Variants in LRP1B observed in about 807,000 individuals in gnomAD.
LRP1B encodes LDL receptor related protein 1B, also known as low-density lipoprotein receptor-related protein 1B.
In LRP1B, 217 loss-of-function variants were observed where a neutral mutation model predicts 556.6. The observed-to-expected ratio is 0.39, with a 90% confidence interval of 0.35 to 0.44. The LOEUF (loss-of-function observed/expected upper bound fraction) is 0.44. LRP1B is among the 20% of genes least tolerant of loss of function. The pLI is 1.00. For synonymous variants in LRP1B, 2,047 were observed against 1,865.8 expected (o/e 1.10, Z -2.50); for missense variants, 5,053 against 5,620.8 (o/e 0.90, Z 3.23).
At chr2:140,467,679 G>C (rs1207177382) in intron 60 of LRP1B, among the ~76,000 whole-genome samples, 1 of 150,336 alleles carries the variant, frequency 6.7e-6, no homozygotes, top group East Asian at 2.0e-4. Flanking sequence ...ATTGTCATGA[G>C]AATTCTACCC....
chr2:140,439,647 A>C (rs114371820), intron 66 of LRP1B, among the ~76,000 whole-genome samples: 1,866 of 152,146 alleles, frequency 0.012, 36 homozygotes, highest in African/African-American at 0.042. Flanking sequence ...TTATATATTT[A>C]ATTTAATTTT....
At chr2:141,546,418 T>C (rs753513038) in intron 2 of LRP1B, among the ~76,000 whole-genome samples, 1 of 152,150 alleles carries the variant, frequency 6.6e-6, no homozygotes, top group Non-Finnish European at 1.5e-5. Context: ...CCCTTAGAAG[T>C]ATTTTTTCCT....
chr2:141,144,140 CTCA>C (rs907767869), intron 7 of LRP1B, among the ~76,000 whole-genome samples: 1 of 152,104 alleles, frequency 6.6e-6, no homozygotes, highest in Admixed American at 6.6e-5. Flanking sequence ...CCTGTCTACT[CTCA>C]TTTTTATGAA....
chr2:140,252,889 C>T (rs1681512719), intron 86 of LRP1B, among the ~76,000 whole-genome samples: 1 of 151,990 alleles, frequency 6.6e-6, no homozygotes, highest in South Asian at 2.1e-4. Context: ...AATGTATAAA[C>T]AAATATACCC....
At chr2:140,479,549 A>G (rs1688136290) in intron 59 of LRP1B, among the ~76,000 whole-genome samples, 1 of 152,180 alleles carries the variant, frequency 6.6e-6, no homozygotes, top group Non-Finnish European at 1.5e-5. Context: ...ATAGTTGAAT[A>G]TTATACATTG....
At chr2:141,061,988 A>G in intron 8 of LRP1B, 63 bp downstream of exon 8, 1 of 1,369,630 alleles carries the variant, frequency 7.3e-7, no homozygotes. Flanking sequence ...AGTATTGCAA[A>G]TTTTGGTATT....
intron 47 of LRP1B, among the ~76,000 whole-genome samples, chr2:140,532,681 C>A (rs1374117871): frequency 6.6e-6 from 1 of 151,862 alleles, no homozygotes. Flanking sequence ...AGGCATGAGC[C>A]ACCACGCCTG....
chr2:141,368,318 G>A (rs1689116433), intron 3 of LRP1B, among the ~76,000 whole-genome samples: 1 of 152,122 alleles, frequency 6.6e-6, no homozygotes, highest in Admixed American at 6.6e-5. Flanking sequence ...AGGCCTTCCT[G>A]GAAGTGTAGT....
chr2:142,022,291 A>C (rs1417782512), intron 1 of LRP1B, among the ~76,000 whole-genome samples: 1 of 138,968 alleles, frequency 7.2e-6, no homozygotes, highest in Non-Finnish European at 1.6e-5. Context: ...AAAAAAAAAC[A>C]ACAGTGAAAT....
chr2:142,125,527 TA>T (rs1707609374), intron 1 of LRP1B, among the ~76,000 whole-genome samples: 1 of 151,892 alleles, frequency 6.6e-6, no homozygotes, highest in South Asian at 2.1e-4. Flanking sequence ...AAATTATTTT[TA>T]GAGATATTTT....
intron 2 of LRP1B, among the ~76,000 whole-genome samples, chr2:141,482,604 TCTAA>T (rs139739865): frequency 0.017 from 2,616 of 152,082 alleles, 77 homozygotes; most frequent in African/African-American, 0.057. Context: ...ACTGAGTGCC[TCTAA>T]CTATTTAATC....
At chr2:142,121,656 C>T (rs540629482) in intron 1 of LRP1B, among the ~76,000 whole-genome samples, 3 of 152,192 alleles carry the variant, frequency 2.0e-5, no homozygotes, top group South Asian at 4.1e-4. Flanking sequence ...TCCTCAGTCA[C>T]ATTACATTAT....
At chr2:141,485,848 T>C (rs1160059923) in intron 2 of LRP1B, among the ~76,000 whole-genome samples, 2 of 152,126 alleles carry the variant, frequency 1.3e-5, no homozygotes, top group African/African-American at 4.8e-5. Flanking sequence ...TTTCAGGCAT[T>C]TGAACATTTC....
At chr2:140,342,361 C>G in intron 77 of LRP1B, among the ~76,000 whole-genome samples, 1 of 151,302 alleles carries the variant, frequency 6.6e-6, no homozygotes. Flanking sequence ...TACTATAACC[C>G]TTCAGACACA....
intron 45 of LRP1B, among the ~76,000 whole-genome samples, chr2:140,539,346 T>A (rs186807484): frequency 6.6e-6 from 1 of 152,254 alleles, no homozygotes; most frequent in Admixed American, 6.6e-5. Flanking sequence ...CAAGAGTTAC[T>A]TTCTAATCTC....
chr2:141,899,231 G>A (rs1381368358), intron 1 of LRP1B, among the ~76,000 whole-genome samples: 1 of 152,102 alleles, frequency 6.6e-6, no homozygotes, highest in Non-Finnish European at 1.5e-5. Context: ...CTTGTACGCT[G>A]ATGGAATCTG....
chr2:141,799,273 C>A (rs1269977310), intron 2 of LRP1B, among the ~76,000 whole-genome samples: 2 of 152,120 alleles, frequency 1.3e-5, no homozygotes, highest in African/African-American at 2.4e-5. Context: ...ATATCACATT[C>A]CGTGACAAAA....
At chr2:140,336,046 T>G (rs961983699) in intron 77 of LRP1B, among the ~76,000 whole-genome samples, 1 of 152,042 alleles carries the variant, frequency 6.6e-6, no homozygotes, top group Non-Finnish European at 1.5e-5. Context: ...TCACTGGAGT[T>G]TAACCAGATT....
intron 7 of LRP1B, among the ~76,000 whole-genome samples, chr2:141,113,750 T>C (rs1389437668): frequency 1.1e-5 from 1 of 94,830 alleles, no homozygotes; most frequent in Non-Finnish European, 2.8e-5. Flanking sequence ...TAATTTTAAA[T>C]GCAAAAAGCT....
Sources: allele counts gnomAD v4.1 joint callset (sites outside exome capture counted in the v4.1 genomes callset), GRCh38; gene constraint gnomAD v4.1.1; transcripts MANE v1.5; gene names NCBI Gene and HGNC (gene_info 2026-07-23, HGNC 2026-07-21).